The following PPFIA1 variants were observed in gnomAD, a reference collection of about 807,000 sequenced individuals.
PPFIA1 encodes the protein PPFI scaffold protein A1.
PPFIA1 carries 25 observed loss-of-function variants against 149.9 expected under a neutral mutation model. The observed-to-expected ratio is 0.17, with a 90% confidence interval of 0.12 to 0.23. PPFIA1 has a LOEUF of 0.23. PPFIA1 is among the 10% of genes least tolerant of loss of function. PPFIA1 has a pLI of 1.00. For missense variants in PPFIA1, 1,362 were observed against 1,506.5 expected (o/e 0.90, Z 1.59); for synonymous variants, 549 against 552.8 (o/e 0.99, Z 0.10).
rs533925909 is a variant in PPFIA1, at chr11:70,289,565, A to C, written c.264+17129A>C. On this transcript the variant is annotated intron_variant, in intron 2 of 27. Coordinates refer to ENST00000253925, the MANE Select transcript of PPFIA1 (RefSeq NM_003626.5). ...GCTTTAGAAATAAATACATCTTAAG[A>C]ATATATAGTTAGAGTAATGGGTTTA... Among the ~76,000 whole-genome samples the C allele has an allele frequency of 2.6e-5, 4 of 152,352 alleles. No homozygotes were observed. The South Asian group carries it at 8.3e-4, about 32-fold the overall frequency.
chr11:70,332,988 C>T (rs1240471372), intron 9 of PPFIA1: 3 of 450,090 alleles, frequency 6.7e-6, no homozygotes, highest in African/African-American at 4.3e-5. Context: ...CTTTTCTCCC[C>T]TGTTATCTTT....
At chr11:70,296,508 C>G (rs1013963094) in intron 2 of PPFIA1, among the ~76,000 whole-genome samples, 7 of 152,120 alleles carry the variant, frequency 4.6e-5, no homozygotes, top group African/African-American at 1.7e-4. Context: ...AGCGAAACCC[C>G]GTCTCCACCA....
At chr11:70,275,967 C>T (rs548809862) in intron 2 of PPFIA1, among the ~76,000 whole-genome samples, 1 of 152,266 alleles carries the variant, frequency 6.6e-6, no homozygotes, top group Admixed American at 6.5e-5. Context: ...TATTCTTTAT[C>T]AAAATGTAAA....
chr11:70,325,703 G>A (rs557734819), intron 5 of PPFIA1, 129 bp downstream of exon 5: 24 of 645,372 alleles, frequency 3.7e-5, no homozygotes, highest in South Asian at 2.7e-4. Context: ...AGACCGAGGC[G>A]GGCGGATCAC....
chr11:70,326,350 G>T lies in PPFIA1; in HGVS notation c.695G>T (p.Ser232Ile). The change falls in exon 6 of 28, where the codon AGC becomes ATC. Residue 232 changes from serine to isoleucine, a missense_variant. Ser to Ile is a moderately radical substitution (Grantham distance 142). This residue lies in a region of PPFIA1 where 733 missense variants were observed against 744.1 expected (regional missense o/e 0.99). Transcript: ENST00000253925. ...AACCATGAACAAGAAAATACACCAA[G>T]CACGAGTGGAAAGGCAAGTCTGTAG... ...DINHEQENTPSTSGKRSSDGS... is the reference protein window; with the variant it reads ...DINHEQENTPITSGKRSSDGS... The T allele has an allele frequency of 1.2e-6, 2 of 1,600,450 alleles. No individual in the cohort carries two copies. The highest frequency in any genetic ancestry group is 1.7e-6 in the Non-Finnish European group (2 of 1,169,608).
In PPFIA1 at chr11:70,326,299, C is replaced by T. The variant is rs773764044; in HGVS notation, c.644C>T (p.Thr215Ile). 3 of 1,608,306 alleles carry T rather than the reference C, an allele frequency of 1.9e-6. No individual in the cohort carries two copies. Among genetic ancestry groups the T allele is most frequent in the South Asian group, 1.1e-5 (1 of 90,192 alleles). ...ILKEQNNQKK[T>I]LTDGVLDINH... ...AAAGAACAGAATAATCAGAAAAAAACTCTAACAGATGGAGTGCTGGACATA... is the reference window on the plus strand; with the variant it reads ...AAAGAACAGAATAATCAGAAAAAAATTCTAACAGATGGAGTGCTGGACATA... Residue 215 changes from threonine (T) to isoleucine (I), a missense_variant, in exon 6 of 28, where the codon ACT becomes ATT. By Grantham distance (89) the Thr-to-Ile change is moderately conservative. Around this residue, in one of 7 missense-constraint regions of PPFIA1, gnomAD observed 733 missense variants for 744.1 expected, o/e 0.99. Coordinates refer to ENST00000253925, the MANE Select transcript of PPFIA1 (RefSeq NM_003626.5).
chr11:70,378,176 AAAG>A lies in PPFIA1; in HGVS notation c.3536_3538del (p.Lys1179del), dbSNP rs1259458204. 1 of 1,614,124 alleles carries A rather than the reference AAAG, an allele frequency of 6.2e-7. No homozygotes were observed. The highest frequency in any genetic ancestry group is 8.5e-7 in the Non-Finnish European group (1 of 1,179,982). On this transcript the variant is annotated inframe_deletion, in exon 26 of 28. Transcript: ENST00000253925. ...CTATGTCTTCCCCCTCTATGCAGCC[AAAG>A]AAGATGCAGATGGACGGTATGTGAT...
intron 2 of PPFIA1, among the ~76,000 whole-genome samples, chr11:70,293,570 T>G (rs1209986857): frequency 2.6e-5 from 4 of 152,210 alleles, no homozygotes; most frequent in Non-Finnish European, 5.9e-5. Context: ...AGCTGCTGAT[T>G]AGCAAAGTGT....
intron 7 of PPFIA1, chr11:70,327,233 C>T (rs2054354709): frequency 1.2e-5 from 2 of 170,830 alleles, no homozygotes; most frequent in South Asian, 1.4e-4. Context: ...GATATTGATA[C>T]TGGCTGTGCT....
chr11:70,348,505 A>C, intron 16 of PPFIA1, 85 bp downstream of exon 16: 1 of 1,086,184 alleles, frequency 9.2e-7, no homozygotes, highest in Non-Finnish European at 1.4e-6. Context: ...CCACAAGAAA[A>C]TCAAGTACAT....
chr11:70,354,541 C>T, intron 17 of PPFIA1, 89 bp downstream of exon 17: 1 of 1,381,486 alleles, frequency 7.2e-7, no homozygotes, highest in Non-Finnish European at 9.7e-7. Flanking sequence ...TTGAGTAAAA[C>T]AGTGATTTTG....
rs369239889 is a variant in PPFIA1, at chr11:70,376,340, T to G, written c.3316-192T>G. Among the ~76,000 whole-genome samples the G allele has an allele frequency of 3.3e-5, 5 of 152,310 alleles. No individual in the cohort carries two copies. The East Asian group carries it at 5.8e-4, about 18-fold the overall frequency. Reference sequence around the variant, plus strand: ...CGGGGTTTTACCATGTTGCCCAGGCTGGTCTTGAACTCCTGACCTCAGGTG... The same window carrying G: ...CGGGGTTTTACCATGTTGCCCAGGCGGGTCTTGAACTCCTGACCTCAGGTG... On this transcript the variant is annotated intron_variant, in intron 24 of 27. Transcript: ENST00000253925.
chr11:70,345,659 C>CA (rs1184565940), intron 15 of PPFIA1, among the ~76,000 whole-genome samples: 2 of 151,336 alleles, frequency 1.3e-5, no homozygotes, highest in African/African-American at 4.9e-5. Context: ...CTCATCTCTA[C>CA]AAAAAAAATT....
Position 70,372,459 on chromosome 11 carries a change from C to A in PPFIA1, c.3042-18C>A. The A allele has an allele frequency of 6.2e-7, 1 of 1,612,786 alleles. No individual in the cohort carries two copies. Among genetic ancestry groups the A allele is most frequent in the Non-Finnish European group, 8.5e-7 (1 of 1,178,858 alleles). ...CACTGTTACCATCTCTAAATCATCT[C>A]TCTTTTCTTCCAAATAGAAACAGTT... On this transcript the variant is annotated intron_variant, in intron 22 of 27. Coordinates refer to ENST00000253925, the MANE Select transcript of PPFIA1 (RefSeq NM_003626.5).
At chr11:70,381,200 G>C (rs1305209568) in intron 26 of PPFIA1, 1 of 152,138 alleles carries the variant, frequency 6.6e-6, no homozygotes, top group Non-Finnish European at 1.5e-5. Flanking sequence ...AAGATCATCT[G>C]TCCTCACCAA....
intron 11 of PPFIA1, among the ~76,000 whole-genome samples, chr11:70,336,930 T>C (rs556344130): frequency 5.9e-5 from 9 of 152,352 alleles, no homozygotes; most frequent in African/African-American, 2.2e-4. Context: ...GGAGGGCATT[T>C]CCAGAGACCA....
At chr11:70,363,077 A>C (rs1464018653) in intron 21 of PPFIA1, 1 of 152,304 alleles carries the variant, frequency 6.6e-6, no homozygotes, top group Non-Finnish European at 1.5e-5. Flanking sequence ...ATATAAAGAT[A>C]TTTGCTAAGC....
chr11:70,334,076 C>T (rs1465109598), intron 10 of PPFIA1, among the ~76,000 whole-genome samples: 1 of 152,174 alleles, frequency 6.6e-6, no homozygotes, highest in Non-Finnish European at 1.5e-5. Flanking sequence ...CAATAAAAAG[C>T]ACTAGGAAGG....
intron 10 of PPFIA1, among the ~76,000 whole-genome samples, chr11:70,334,054 G>A (rs185667852): frequency 3.2e-4 from 48 of 152,296 alleles, no homozygotes; most frequent in African/African-American, 1.1e-3. Flanking sequence ...GAGCAACACC[G>A]TAATTGAGCT....
Sources: allele counts gnomAD v4.1 joint callset (sites outside exome capture counted in the v4.1 genomes callset), GRCh38; gene constraint gnomAD v4.1.1; regional missense constraint gnomAD v4.1.1; transcripts MANE v1.5; gene names NCBI Gene and HGNC (gene_info 2026-07-23, HGNC 2026-07-21).